Variants in TENT4B observed in about 807,000 individuals in gnomAD.
TENT4B encodes PAP associated domain containing 5.
In TENT4B, 10 loss-of-function variants were observed where a neutral mutation model predicts 75.0. The observed-to-expected ratio is 0.13, with a 90% CI of 0.08 to 0.23. TENT4B has a LOEUF of 0.23. Among genes scored for constraint, TENT4B ranks in the 10% least tolerant of loss-of-function variants. TENT4B has a pLI of 1.00. For synonymous variants in TENT4B, 350 were observed against 357.7 expected (o/e 0.98, Z 0.24); for missense variants, 579 against 893.8 (o/e 0.65, Z 4.49).
chr16:50,220,050 G>A lies in TENT4B; in HGVS notation c.1039-2256G>A, dbSNP rs2031754593. Among the ~76,000 whole-genome samples the A allele has an allele frequency of 2.7e-5, 4 of 150,814 alleles. No homozygotes were observed. In the South Asian group the frequency reaches 6.3e-4, roughly 24 times the overall value. On this transcript the variant is annotated intron_variant, in intron 5 of 11. Coordinates refer to ENST00000561678, the MANE Select transcript of TENT4B (RefSeq NM_001365324.3). ...GTTGCCCAGGCTGGAGTGCAGTGGCGCGATCTTGGCTCACTGCAACCTCCG... is the reference window on the plus strand; with the variant it reads ...GTTGCCCAGGCTGGAGTGCAGTGGCACGATCTTGGCTCACTGCAACCTCCG...
intron 1 of TENT4B, among the ~76,000 whole-genome samples, chr16:50,205,440 A>G (rs912057749): frequency 1.3e-5 from 2 of 151,894 alleles, no homozygotes; most frequent in Non-Finnish European, 2.9e-5. Flanking sequence ...TGTGCCCTCC[A>G]CTGGGCAAAA....
chr16:50,189,772 T>TG (rs748660987), intron 1 of TENT4B, among the ~76,000 whole-genome samples: 26 of 152,000 alleles, frequency 1.7e-4, no homozygotes, highest in South Asian at 6.2e-4. Context: ...CATTTTTGGC[T>TG]GGGTGTGGTA....
chr16:50,233,852 G>A lies in TENT4B; in HGVS notation c.*4524G>A. On this transcript the variant is annotated 3_prime_UTR_variant, in exon 12 of 12. Coordinates refer to ENST00000561678, the MANE Select transcript of TENT4B (RefSeq NM_001365324.3). ...TATTACACATTTGTGGTAGCTCCTG[G>A]ATTTACTGAGAGATATTTTAGCTAT... The A allele has an allele frequency of 1.0e-6, 1 of 985,422 alleles. No homozygotes were observed. Among genetic ancestry groups the A allele is most frequent in the Non-Finnish European group, 1.2e-6 (1 of 829,922 alleles). The allele number at this position is 985,422 out of a possible 1,614,324, so 61.0% of individuals were successfully genotyped here.
intron 1 of TENT4B, among the ~76,000 whole-genome samples, chr16:50,199,818 T>C (rs1304048060): frequency 2.0e-5 from 3 of 152,218 alleles, no homozygotes; most frequent in African/African-American, 7.2e-5. Flanking sequence ...AAAAAATTTT[T>C]TAAGACAGGG....
intron 1 of TENT4B, among the ~76,000 whole-genome samples, chr16:50,182,316 T>C (rs953411916): frequency 1.3e-5 from 2 of 152,214 alleles, no homozygotes; most frequent in Non-Finnish European, 2.9e-5. Context: ...CTCTGCGTTT[T>C]CTTTGGTGCT....
intron 1 of TENT4B, among the ~76,000 whole-genome samples, chr16:50,158,466 C>G (rs2037943135): frequency 6.6e-6 from 1 of 152,164 alleles, no homozygotes; most frequent in Non-Finnish European, 1.5e-5. Flanking sequence ...GTTTAGGATG[C>G]TGTCCACCTG....
chr16:50,221,705 T>C (rs1200332904), intron 5 of TENT4B, among the ~76,000 whole-genome samples: 1 of 152,214 alleles, frequency 6.6e-6, no homozygotes, highest in Non-Finnish European at 1.5e-5. Context: ...TATTAGAGGG[T>C]CATGGTCACA....
rs778139166 is a variant in TENT4B at position 50,154,032 on chromosome 16, G to C, written c.411G>C (p.Ser137=). Residue 137 remains serine, a synonymous_variant, in exon 1 of 12, where the codon TCG becomes TCC. Coordinates refer to ENST00000561678, the MANE Select transcript of TENT4B (RefSeq NM_001365324.3). ...CGTCCTCGCCTCCCTCGGCGTCCTC[G>C]TCCCCGCACCCTTCGGCCGCCGTCC... ...SSASSPPSAS[S]SPHPSAAVPA... is the part of the protein sequence containing the mutation. The C allele has an allele frequency of 1.3e-6, 2 of 1,531,312 alleles. No homozygotes were observed. The highest frequency in any genetic ancestry group is 8.7e-7 in the Non-Finnish European group (1 of 1,144,918). 94.9% of individuals were successfully genotyped at this position (1,531,312 alleles called of 1,614,324 possible).
At chr16:50,180,850 A>G (rs1393446901) in intron 1 of TENT4B, among the ~76,000 whole-genome samples, 1 of 152,218 alleles carries the variant, frequency 6.6e-6, no homozygotes, top group Admixed American at 6.5e-5. Flanking sequence ...CCATTGCTGT[A>G]GAGGAGATTA....
At chr16:50,168,045 T>A (rs2038136008) in intron 1 of TENT4B, among the ~76,000 whole-genome samples, 1 of 152,084 alleles carries the variant, frequency 6.6e-6, no homozygotes, top group African/African-American at 2.4e-5. Flanking sequence ...CCAGAACCAT[T>A]TGTTGAAATG....
At chr16:50,228,203 C>T (rs1229117704) in intron 11 of TENT4B, among the ~76,000 whole-genome samples, 200 bp downstream of exon 11, 5 of 152,154 alleles carry the variant, frequency 3.3e-5, no homozygotes, top group African/African-American at 1.2e-4. Context: ...ACCATTGTAA[C>T]ATAAATCTCT....
rs1056570336 is a variant in TENT4B, at chr16:50,172,324, GA to G, written c.638+18066del. ...TGTGCCACTGGACTCCAGACTGGGT[GA>G]CAGAGCGAGACTCTGTCTCCAAGAG... On this transcript the variant is annotated intron_variant, in intron 1 of 11. Transcript: ENST00000561678. 1.6e-4 allele frequency among the ~76,000 whole-genome samples: 25 copies of G among 152,030 alleles called. 1 individual carries two copies. Among genetic ancestry groups the G allele is most frequent in the Admixed American group, 1.2e-3 (18 of 15,248 alleles).
intron 10 of TENT4B, among the ~76,000 whole-genome samples, chr16:50,225,584 C>A (rs760266384): frequency 1.3e-5 from 2 of 152,144 alleles, no homozygotes; most frequent in Non-Finnish European, 2.9e-5. Flanking sequence ...TCATCTTATT[C>A]TTTGATCCAT....
chr16:50,158,083 A>G (rs1439741890), intron 1 of TENT4B, among the ~76,000 whole-genome samples: 1 of 147,540 alleles, frequency 6.8e-6, no homozygotes, highest in African/African-American at 2.5e-5. Context: ...TTATTTAATT[A>G]TGAATGAATG....
At chr16:50,156,686 A>G (rs2037907713) in intron 1 of TENT4B, among the ~76,000 whole-genome samples, 1 of 148,568 alleles carries the variant, frequency 6.7e-6, no homozygotes, top group Non-Finnish European at 1.5e-5. Context: ...ACTGGGTCTC[A>G]CTCTGCTGCC....
rs2032333677 is a variant in TENT4B at position 50,232,762 on chromosome 16, A to T, written c.*3434A>T. 1.0e-6 allele frequency: 1 copy of T among 985,182 alleles called. No homozygotes were observed. 61.0% of individuals were successfully genotyped at this position (985,182 alleles called of 1,614,324 possible). A position where few individuals can be genotyped will look rare whatever the true frequency, so the allele number is the denominator to read the frequency against. On this transcript the variant is annotated 3_prime_UTR_variant, in exon 12 of 12. Coordinates refer to ENST00000561678, the MANE Select transcript of TENT4B (RefSeq NM_001365324.3). ...TAGGTATTAGTGGTAGATGTTGCTG[A>T]TACTTTTATTGGTCATGACTACATC...
At chr16:50,209,165 T>A (rs2031145658) in intron 1 of TENT4B, among the ~76,000 whole-genome samples, 1 of 152,190 alleles carries the variant, frequency 6.6e-6, no homozygotes, top group Non-Finnish European at 1.5e-5. Flanking sequence ...TTAGGAGATT[T>A]TTCCCCCCCA....
chr16:50,206,710 T>G (rs2030993330), intron 1 of TENT4B, among the ~76,000 whole-genome samples: 1 of 152,096 alleles, frequency 6.6e-6, no homozygotes, highest in South Asian at 2.1e-4. Context: ...CCACCTTGCC[T>G]TTGGTTTTGA....
intron 1 of TENT4B, among the ~76,000 whole-genome samples, chr16:50,155,268 C>CGTGGGT (rs964942025): frequency 6.6e-5 from 2 of 30,082 alleles, no homozygotes; most frequent in South Asian, 1.5e-3. Flanking sequence ...TTTTGGGTCT[C>CGTGGGT]GTGGGTGTGT....
Sources: allele counts gnomAD v4.1 joint callset (sites outside exome capture counted in the v4.1 genomes callset), GRCh38; gene constraint gnomAD v4.1.1; transcripts MANE v1.5; gene names NCBI Gene and HGNC (gene_info 2026-07-23, HGNC 2026-07-21).